NKAIN2: variants seen among roughly 807,000 people sequenced by gnomAD.
NKAIN2 encodes the protein sodium/potassium-transporting ATPase subunit beta-1-interacting protein 2.
NKAIN2 carries 14 observed loss-of-function variants against 32.6 expected under a neutral mutation model. The observed-to-expected ratio is 0.43, with a 90% confidence interval of 0.28 to 0.67. The LOEUF (loss-of-function observed/expected upper bound fraction) is 0.67. Ranked by LOEUF, NKAIN2 falls within the 30% of genes least tolerant of loss-of-function variation. NKAIN2 has a pLI of 0.17. For synonymous variants in NKAIN2, 80 were observed against 87.2 expected, an observed-to-expected ratio of 0.92 and a Z score of 0.46; for missense variants, 198 against 258.3, an observed-to-expected ratio of 0.77 and a Z score of 1.60.
At chr6:124,111,757 T>G (rs1320623759) in intron 1 of NKAIN2, among the ~76,000 whole-genome samples, 2 of 152,054 alleles carry the variant, frequency 1.3e-5, no homozygotes, top group East Asian at 3.9e-4. Context: ...CCTCTCTTGT[T>G]TTCCATTGGG....
At chr6:124,559,204 G>T (rs1780591979) in intron 3 of NKAIN2, among the ~76,000 whole-genome samples, 1 of 152,008 alleles carries the variant, frequency 6.6e-6, no homozygotes, top group South Asian at 2.1e-4. Context: ...CAGTGTCAAA[G>T]AATAAACCAA....
At chr6:124,034,853 A>C (rs932568019) in intron 1 of NKAIN2, among the ~76,000 whole-genome samples, 6 of 151,826 alleles carry the variant, frequency 4.0e-5, no homozygotes, top group Non-Finnish European at 7.4e-5. Flanking sequence ...GTTTTAATTT[A>C]TATTTCTCTG....
At chr6:123,957,995 C>T (rs928123590) in intron 1 of NKAIN2, among the ~76,000 whole-genome samples, 4 of 152,034 alleles carry the variant, frequency 2.6e-5, no homozygotes, top group Admixed American at 2.6e-4. Context: ...GATAATATTA[C>T]TAATTACATT....
intron 3 of NKAIN2, among the ~76,000 whole-genome samples, chr6:124,507,886 A>G (rs1778549531): frequency 6.6e-6 from 1 of 152,196 alleles, no homozygotes; most frequent in Non-Finnish European, 1.5e-5. Flanking sequence ...AGACTACAAT[A>G]TAAGTGATAA....
chr6:124,040,333 T>G (rs576926914), intron 1 of NKAIN2, among the ~76,000 whole-genome samples: 3 of 152,034 alleles, frequency 2.0e-5, no homozygotes, highest in Non-Finnish European at 2.9e-5. Context: ...GAGGTTTCAT[T>G]TTGCAGTTCT....
intron 4 of NKAIN2, among the ~76,000 whole-genome samples, chr6:124,720,027 A>T (rs1444731650): frequency 6.6e-6 from 1 of 152,108 alleles, no homozygotes; most frequent in African/African-American, 2.4e-5. Flanking sequence ...TGCTGATTAG[A>T]TCCTCATTCT....
intron 5 of NKAIN2, among the ~76,000 whole-genome samples, chr6:124,799,879 A>C (rs1780175046): frequency 6.6e-6 from 1 of 152,216 alleles, no homozygotes; most frequent in Non-Finnish European, 1.5e-5. Context: ...GCCTACCAGC[A>C]GTGGGTGTCC....
At chr6:123,897,948 T>A (rs998291734) in intron 1 of NKAIN2, among the ~76,000 whole-genome samples, 1 of 152,234 alleles carries the variant, frequency 6.6e-6, no homozygotes, top group East Asian at 1.9e-4. Flanking sequence ...AAAGTTTGCA[T>A]GTCCCATTGA....
intron 1 of NKAIN2, among the ~76,000 whole-genome samples, chr6:124,000,711 G>A (rs918840161): frequency 1.3e-5 from 2 of 152,018 alleles, no homozygotes; most frequent in Admixed American, 6.6e-5. Flanking sequence ...ACTCTCACTA[G>A]GTAATGGGGT....
intron 4 of NKAIN2, among the ~76,000 whole-genome samples, chr6:124,688,883 GAAC>G (rs370964931): frequency 0.012 from 1,785 of 152,162 alleles, 27 homozygotes; most frequent in Middle Eastern, 0.034. Context: ...ACCTCCTAAA[GAAC>G]AACTTGGTTG....
intron 3 of NKAIN2, among the ~76,000 whole-genome samples, chr6:124,536,842 G>C (rs1779734701): frequency 6.6e-6 from 1 of 152,092 alleles, no homozygotes; most frequent in Non-Finnish European, 1.5e-5. Flanking sequence ...TAAACAATAA[G>C]GCAAAACATG....
chr6:124,086,296 CTA>C (rs1171368760), intron 1 of NKAIN2, among the ~76,000 whole-genome samples: 1 of 151,942 alleles, frequency 6.6e-6, no homozygotes, highest in African/African-American at 2.4e-5. Context: ...GTTTGACAAA[CTA>C]TATAAATTTC....
At chr6:124,422,951 G>T (rs1774823023) in intron 3 of NKAIN2, among the ~76,000 whole-genome samples, 1 of 152,066 alleles carries the variant, frequency 6.6e-6, no homozygotes, top group South Asian at 2.1e-4. Flanking sequence ...ACATACAAAA[G>T]AAAATTATTT....
At chr6:124,165,584 T>C (rs1788491418) in intron 1 of NKAIN2, among the ~76,000 whole-genome samples, 1 of 151,874 alleles carries the variant, frequency 6.6e-6, no homozygotes, top group Non-Finnish European at 1.5e-5. Context: ...ATTACATATA[T>C]ATACATGTGC....
rs180761542 is a variant in NKAIN2 at position 124,060,778 on chromosome 6, C to T, written c.55-222227C>T. Among the ~76,000 whole-genome samples, 9 of 152,062 alleles carry T rather than the reference C, an allele frequency of 5.9e-5. No homozygotes were observed. The East Asian group carries it at 1.5e-3, about 26-fold the overall frequency. On this transcript the variant is annotated intron_variant, in intron 1 of 6. Coordinates refer to ENST00000368417, the MANE Select transcript of NKAIN2 (RefSeq NM_001040214.3). ...TTAATTATAAAACTTTAAGGTACAG[C>T]TTTAAAAAATATAAAACAATAGAAA... is the stretch of plus-strand genomic sequence containing the variant.
intron 4 of NKAIN2, among the ~76,000 whole-genome samples, chr6:124,727,131 C>T (rs1387648961): frequency 1.3e-5 from 2 of 151,998 alleles, no homozygotes; most frequent in Non-Finnish European, 2.9e-5. Context: ...GGAAAACATT[C>T]TGCAGGAGAT....
intron 1 of NKAIN2, among the ~76,000 whole-genome samples, chr6:124,093,883 C>T (rs1015651739): frequency 6.6e-6 from 1 of 152,088 alleles, no homozygotes; most frequent in Non-Finnish European, 1.5e-5. Flanking sequence ...TTGTTGTTAG[C>T]ATCATCCATT....
intron 2 of NKAIN2, among the ~76,000 whole-genome samples, chr6:124,308,889 A>G (rs1466822159): frequency 6.6e-6 from 1 of 152,202 alleles, no homozygotes; most frequent in Non-Finnish European, 1.5e-5. Flanking sequence ...CAAATACCAA[A>G]GGATTTAAAA....
At chr6:124,820,108 G>C (rs1477871154) in intron 6 of NKAIN2, among the ~76,000 whole-genome samples, 2 of 151,980 alleles carry the variant, frequency 1.3e-5, no homozygotes, top group Non-Finnish European at 2.9e-5. Flanking sequence ...TGTTTGCTAT[G>C]CATGCCATAC....
Sources: allele counts gnomAD v4.1 joint callset (sites outside exome capture counted in the v4.1 genomes callset), GRCh38; gene constraint gnomAD v4.1.1; transcripts MANE v1.5; gene names NCBI Gene and HGNC (gene_info 2026-07-23, HGNC 2026-07-21).